DNAJC11: variants seen among roughly 807,000 people sequenced by gnomAD.
The protein encoded by DNAJC11 is dnaJ homolog subfamily C member 11.
In DNAJC11, 15 loss-of-function variants were observed where a neutral mutation model predicts 78.6. That is an observed-to-expected ratio of 0.19 (90% CI 0.13 to 0.29). DNAJC11 has a LOEUF of 0.29. Among genes scored for constraint, DNAJC11 ranks in the 10% least tolerant of loss-of-function variants. The pLI, the probability that DNAJC11 is intolerant of heterozygous loss-of-function variation, is 1.00. For missense variants in DNAJC11, 547 were observed against 709.6 expected (o/e 0.77, Z 2.60); for synonymous variants, 292 against 272.1 (o/e 1.07, Z -0.72).
chr1:6,695,468 A>G (rs1350135424), intron 1 of DNAJC11, among the ~76,000 whole-genome samples: 2 of 152,064 alleles, frequency 1.3e-5, no homozygotes, highest in East Asian at 3.9e-4. Flanking sequence ...TGCTTAAGCC[A>G]TTATTACCTG....
intron 12 of DNAJC11, 80 bp downstream of exon 12, chr1:6,638,215 C>G (rs866621019): frequency 1.2e-5 from 17 of 1,439,046 alleles, no homozygotes; most frequent in Non-Finnish European, 1.5e-5. Context: ...AGTCTGACCT[C>G]TAAGGCCCTG....
chr1:6,644,898 C>T (rs1641942417), intron 9 of DNAJC11, 143 bp downstream of exon 9: 2 of 876,612 alleles, frequency 2.3e-6, no homozygotes, highest in Admixed American at 1.8e-5. Flanking sequence ...AAATCCCCCA[C>T]AGCCTCAAAA....
chr1:6,635,011 G>A lies in DNAJC11; in HGVS notation c.*664C>T, dbSNP rs920010667. ...GCCACCTGTGTCAGGGCTAGGCCCT[G>A]GGATCGGGAGTTACACTACCCTGTC... On this transcript the variant is annotated 3_prime_UTR_variant, in exon 16 of 16. Transcript: ENST00000377577. 3.9e-6 allele frequency: 2 copies of A among 508,586 alleles called. No homozygotes were observed. Among genetic ancestry groups the A allele is most frequent in the Non-Finnish European group, 5.9e-6 (2 of 336,932 alleles). 31.5% of individuals were successfully genotyped at this position (508,586 alleles called of 1,614,324 possible).
chr1:6,689,442 G>A (rs1217604620), intron 1 of DNAJC11, among the ~76,000 whole-genome samples: 1 of 152,172 alleles, frequency 6.6e-6, no homozygotes, highest in Non-Finnish European at 1.5e-5. Flanking sequence ...GGGCAGAGGT[G>A]AATTTGAACA....
chr1:6,649,998 C>T (rs1642029422), intron 7 of DNAJC11, among the ~76,000 whole-genome samples: 1 of 151,922 alleles, frequency 6.6e-6, no homozygotes, highest in Admixed American at 6.6e-5. Flanking sequence ...ATTCATGCCA[C>T]TGTGCCTGGG....
rs1641951725 is a variant in DNAJC11, at chr1:6,645,555, G to A, written c.894+234C>T. ...CCACCAGACATTAAGATGTTGTTCTGCTTTAAGATGATCCAACAAAGCTGC... is the reference window on the plus strand; with the variant it reads ...CCACCAGACATTAAGATGTTGTTCTACTTTAAGATGATCCAACAAAGCTGC... On this transcript the variant is annotated intron_variant, in intron 8 of 15. Coordinates refer to ENST00000377577, the MANE Select transcript of DNAJC11 (RefSeq NM_018198.4). The surrounding 1 kb of genome is among the most constrained non-coding windows in gnomAD (Gnocchi z 4.1). Among the ~76,000 whole-genome samples the A allele has an allele frequency of 6.6e-6, 1 of 152,220 alleles. No individual in the cohort carries two copies. Among genetic ancestry groups the A allele is most frequent in the Non-Finnish European group, 1.5e-5 (1 of 68,038 alleles).
At position 6,641,452 on chromosome 1, in the gene DNAJC11, G is replaced by A. The variant is rs1355312503; in HGVS notation, c.1098-1395C>T. 5.8e-5 allele frequency among the ~76,000 whole-genome samples: 8 copies of A among 137,710 alleles called. No homozygotes were observed. The Admixed American group carries it at 5.9e-4, about 10-fold the overall frequency. The allele number at this position is 137,710 out of a possible 152,430, so 90.3% of individuals were successfully genotyped here. A position where few individuals can be genotyped will look rare whatever the true frequency, so the allele number is the denominator to read the frequency against. On this transcript the variant is annotated intron_variant, in intron 10 of 15. Coordinates refer to ENST00000377577, the MANE Select transcript of DNAJC11 (RefSeq NM_018198.4). Reference sequence around the variant, plus strand: ...ACACACAAACAGAGACAGGTTAAATGTGAATGGGTAAAAAAAATAAATAGT... The same window carrying A: ...ACACACAAACAGAGACAGGTTAAATATGAATGGGTAAAAAAAATAAATAGT...
rs1641708233 is a variant in DNAJC11, at chr1:6,634,221, A to C, written c.*1454T>G. ...GAGTGCCTTCTGTACAGTCGACTGC[A>C]AATGAAACGCAGAGGATGGGTGCCC... On this transcript the variant is annotated 3_prime_UTR_variant, in exon 16 of 16. Transcript: ENST00000377577. The C allele has an allele frequency of 2.1e-6, 2 of 946,980 alleles. No individual in the cohort carries two copies. Among genetic ancestry groups the C allele is most frequent in the African/African-American group, 1.6e-5 (1 of 60,702 alleles). 58.7% of individuals were successfully genotyped at this position (946,980 alleles called of 1,614,324 possible).
At chr1:6,700,036 G>A (rs1642900453) in intron 1 of DNAJC11, among the ~76,000 whole-genome samples, 1 of 152,126 alleles carries the variant, frequency 6.6e-6, no homozygotes, top group Non-Finnish European at 1.5e-5. Flanking sequence ...AGTGAAAATA[G>A]CCAGGTCCTG....
At chr1:6,661,710 A>G (rs1380089305) in intron 4 of DNAJC11, among the ~76,000 whole-genome samples, 1 of 152,114 alleles carries the variant, frequency 6.6e-6, no homozygotes, top group Non-Finnish European at 1.5e-5. Flanking sequence ...TGGCTTAAAC[A>G]ACCCTTCTTC....
intron 7 of DNAJC11, among the ~76,000 whole-genome samples, chr1:6,648,307 C>A (rs1412687501): frequency 6.6e-6 from 1 of 151,898 alleles, no homozygotes; most frequent in Non-Finnish European, 1.5e-5. Context: ...AGGTGCCCAC[C>A]ACCACGCCTG....
At chr1:6,654,111 C>T (rs1263447006) in intron 4 of DNAJC11, 72 bp from the exon 5 acceptor site, 3 of 1,566,316 alleles carry the variant, frequency 1.9e-6, no homozygotes. Context: ...TACACTTCAA[C>T]AGCCAGCTCG....
At position 6,645,763 on chromosome 1, in the gene DNAJC11, CAGG is replaced by C. The variant is rs984770412; in HGVS notation, c.894+23_894+25del. On this transcript the variant is annotated intron_variant, in intron 8 of 15. Transcript: ENST00000377577. This position sits in a 1 kb window ranked among gnomAD's most constrained non-coding sequence, Gnocchi z 4.1. ...AGGGGTCCTCCCAGAGCTCTGTCTG[CAGG>C]AGATGATGGCTGCTCGGCTCACCTG... 6 of 1,610,780 alleles carry C rather than the reference CAGG, an allele frequency of 3.7e-6. No individual in the cohort carries two copies. Among genetic ancestry groups the C allele is most frequent in the Non-Finnish European group, 5.1e-6 (6 of 1,177,560 alleles).
chr1:6,666,309 CG>C (rs1215627948), intron 4 of DNAJC11, among the ~76,000 whole-genome samples: 3 of 151,830 alleles, frequency 2.0e-5, no homozygotes, highest in African/African-American at 7.3e-5. Flanking sequence ...AACTGCTTTC[CG>C]GAATGTATTT....
chr1:6,658,608 T>C (rs1642164436), intron 4 of DNAJC11, among the ~76,000 whole-genome samples: 1 of 151,526 alleles, frequency 6.6e-6, no homozygotes, highest in Non-Finnish European at 1.5e-5. Flanking sequence ...AGTAAATACC[T>C]GACTTTTGAA....
chr1:6,652,919 G>A lies in DNAJC11; in HGVS notation c.540C>T (p.Leu180=), dbSNP rs1219981177. 1.9e-6 allele frequency: 3 copies of A among 1,614,048 alleles called. No individual in the cohort carries two copies. The highest frequency in any genetic ancestry group is 2.5e-6 in the Non-Finnish European group (3 of 1,180,028). The change falls in exon 6 of 16, where the codon CTC becomes CTT. Residue 180 remains leucine, a synonymous_variant. Transcript: ENST00000377577. The stretch of plus-strand genomic sequence containing the variant: ...CATTCTGGGTTGAGAGGCTTCCAGA[G>A]AGGATGGCTGTGTCTGTCGCTGTCA... ...APLTATDTAI[L]SGSLSTQNGN... is the part of the protein sequence containing the mutation.
At chr1:6,664,163 C>T (rs981529482) in intron 4 of DNAJC11, among the ~76,000 whole-genome samples, 1 of 152,162 alleles carries the variant, frequency 6.6e-6, no homozygotes, top group Non-Finnish European at 1.5e-5. Flanking sequence ...GTCCATATCA[C>T]AGTCAGCCAT....
chr1:6,695,891 T>A (rs1642828530), intron 1 of DNAJC11, among the ~76,000 whole-genome samples: 1 of 152,156 alleles, frequency 6.6e-6, no homozygotes, highest in African/African-American at 2.4e-5. Flanking sequence ...AAAATGGGAT[T>A]TGAATACTGG....
In DNAJC11 at chr1:6,638,223, C is replaced by T. The variant is rs143752788; in HGVS notation, c.1323+72G>A. The T allele has an allele frequency of 4.0e-4, 596 of 1,498,168 alleles. 2 individuals carry two copies. In the African/African-American group the frequency reaches 7.4e-3, roughly 19 times the overall value. 92.8% of individuals were successfully genotyped at this position (1,498,168 alleles called of 1,614,324 possible). On this transcript the variant is annotated intron_variant, in intron 12 of 15. Coordinates refer to ENST00000377577, the MANE Select transcript of DNAJC11 (RefSeq NM_018198.4). ...GAAGAGAAGTCTGACCTCTAAGGCC[C>T]TGAGACCAACATGTGGGGTGTGGAG... is the stretch of plus-strand genomic sequence containing the variant.
Sources: gnomAD v4.1 joint callset for allele counts (sites outside exome capture counted in the v4.1 genomes callset) on GRCh38, gnomAD v4.1.1 for gene constraint, Gnocchi (gnomAD v3.1) non-coding constraint, MANE v1.5 for transcripts, NCBI Gene and HGNC (gene_info 2026-07-23, HGNC 2026-07-21) for gene names.